CSNK1G3: variants seen among roughly 807,000 people sequenced by gnomAD.
CSNK1G3 encodes casein kinase 1 gamma 3.
Under a neutral mutation model 64.3 loss-of-function variants are expected in CSNK1G3, and 23 were observed. The ratio of observed to expected loss-of-function variants is 0.36; its 90% confidence interval spans 0.26 to 0.51. The LOEUF is 0.51. Ranked by LOEUF, CSNK1G3 falls within the 20% of genes least tolerant of loss-of-function variation. The probability of loss-of-function intolerance (pLI) is 0.96; values close to 1 mark genes in which losing one functional copy is unlikely to be tolerated. For missense variants in CSNK1G3, 357 were observed against 510.5 expected, an observed-to-expected ratio of 0.70 and a Z score of 2.90; for synonymous variants, 158 against 162.2, an observed-to-expected ratio of 0.97 and a Z score of 0.20.
At chr5:123,591,118 A>C (rs1476977264) in intron 9 of CSNK1G3, among the ~76,000 whole-genome samples, 1 of 152,086 alleles carries the variant, frequency 6.6e-6, no homozygotes, top group Non-Finnish European at 1.5e-5. Context: ...ATATTTTAAA[A>C]ACACTTTAAA....
At chr5:123,615,281 A>G (rs899763675) in exon 13 of CSNK1G3, 1 of 152,636 alleles carries the variant, frequency 6.6e-6, no homozygotes, top group African/African-American at 2.4e-5. Flanking sequence ...GTTGCAGTGT[A>G]TAAGGTGGAA....
chr5:123,603,279 T>C (rs528449318), intron 10 of CSNK1G3, among the ~76,000 whole-genome samples: 36 of 152,146 alleles, frequency 2.4e-4, no homozygotes, highest in African/African-American at 4.1e-4. Flanking sequence ...ATTTTTTTTT[T>C]CCAAAAAGTT....
intron 11 of CSNK1G3, 123 bp from the exon 13 acceptor site, chr5:123,605,216 A>C: frequency 2.5e-6 from 2 of 812,274 alleles, no homozygotes; most frequent in South Asian, 3.9e-5. Context: ...AACATAAATT[A>C]TAACAACATT....
At chr5:123,536,438 T>TC (rs1561474168) in intron 1 of CSNK1G3, among the ~76,000 whole-genome samples, 1 of 148,442 alleles carries the variant, frequency 6.7e-6, no homozygotes. Context: ...TTTTTTTTTT[T>TC]TTAAAAAAAA....
At chr5:123,557,533 A>G (rs1263068561) in exon 4 of CSNK1G3, 5 of 1,607,294 alleles carry the variant, frequency 3.1e-6, no homozygotes, top group Non-Finnish European at 3.4e-6. Context: ...TACATTTGGA[A>G]TACAGATTCT....
intron 1 of CSNK1G3, among the ~76,000 whole-genome samples, chr5:123,542,849 AGTGTGTGT>A (rs66645709): frequency 2.3e-4 from 31 of 134,904 alleles, no homozygotes; most frequent in Middle Eastern, 3.7e-3. Context: ...GCCTAGATTT[AGTGTGTGT>A]GTGTGTGTGT....
chr5:123,560,642 G>A (rs1044493444), intron 4 of CSNK1G3, among the ~76,000 whole-genome samples: 6 of 152,176 alleles, frequency 3.9e-5, no homozygotes, highest in Admixed American at 3.9e-4. Context: ...GAGCCCAGGA[G>A]GTCAAGGCTG....
At chr5:123,560,006 A>G (rs1164048824) in intron 4 of CSNK1G3, among the ~76,000 whole-genome samples, 9 of 152,280 alleles carry the variant, frequency 5.9e-5, no homozygotes, top group Admixed American at 2.6e-4. Context: ...CAGCATATAT[A>G]AAGAACTTCT....
At chr5:123,553,349 TTGTC>T (rs1307845278) in intron 3 of CSNK1G3, among the ~76,000 whole-genome samples, 2 of 152,218 alleles carry the variant, frequency 1.3e-5, no homozygotes, top group East Asian at 1.9e-4. Flanking sequence ...ACATTCATGT[TTGTC>T]TGTGCCACAA....
chr5:123,583,610 C>T (rs941844572), intron 6 of CSNK1G3, among the ~76,000 whole-genome samples: 14 of 146,518 alleles, frequency 9.6e-5, no homozygotes, highest in African/African-American at 2.5e-4. Context: ...GTGATCAGCC[C>T]GCCTCAGCCT....
At chr5:123,610,552 A>G (rs2151235593) in intron 12 of CSNK1G3, among the ~76,000 whole-genome samples, 1 of 152,262 alleles carries the variant, frequency 6.6e-6, no homozygotes, top group Admixed American at 6.5e-5. Flanking sequence ...ACAAAGGAGA[A>G]ATGGTGGTGC....
intron 10 of CSNK1G3, among the ~76,000 whole-genome samples, chr5:123,599,318 ACT>A (rs1794019964): frequency 6.6e-6 from 1 of 152,160 alleles, no homozygotes; most frequent in African/African-American, 2.4e-5. Flanking sequence ...GAATAATGTG[ACT>A]CTGAGCACTT....
chr5:123,602,040 CAGAG>C lies in CSNK1G3; in HGVS notation c.1087-2672_1087-2669del, dbSNP rs369230523. On this transcript the variant is annotated intron_variant, in intron 10 of 12. Transcript: ENST00000345990. ...AAAAATAATTATTTTTAAATGTTTT[CAGAG>C]AGAGAGAGAGAAAAATAAAGAGAAA... is the stretch of plus-strand genomic sequence containing the variant. 2.8e-3 allele frequency among the ~76,000 whole-genome samples: 428 copies of C among 151,228 alleles called. 5 individuals are homozygous for C. Among genetic ancestry groups the C allele is most frequent in the African/African-American group, 9.9e-3 (409 of 41,208 alleles).
exon 2 of CSNK1G3, chr5:123,545,598 A>G: frequency 7.3e-7 from 1 of 1,368,674 alleles, no homozygotes; most frequent in Non-Finnish European, 1.0e-6. Context: ...ACCTATTTTC[A>G]CAATACCCTG....
chr5:123,513,068 G>T (rs1219366105), intron 1 of CSNK1G3, among the ~76,000 whole-genome samples: 1 of 152,220 alleles, frequency 6.6e-6, no homozygotes, highest in Admixed American at 6.5e-5. Context: ...TCAGCTCAGG[G>T]ATAAACTTCC....
chr5:123,599,340 A>G (rs1280909467), intron 10 of CSNK1G3, among the ~76,000 whole-genome samples: 2 of 152,192 alleles, frequency 1.3e-5, no homozygotes, highest in African/African-American at 4.8e-5. Context: ...TGGGAGAAAA[A>G]GGGGCAGAAT....
chr5:123,550,425 C>T (rs964080929), intron 2 of CSNK1G3, among the ~76,000 whole-genome samples: 4 of 152,176 alleles, frequency 2.6e-5, no homozygotes, highest in Non-Finnish European at 4.4e-5. Context: ...ACATTCAGAA[C>T]TTAAGTCACA....
chr5:123,565,254 G>GA (rs1460991449), intron 4 of CSNK1G3, among the ~76,000 whole-genome samples: 2 of 152,028 alleles, frequency 1.3e-5, no homozygotes, highest in South Asian at 4.1e-4. Flanking sequence ...GAATGAGAGT[G>GA]AAAAAAACAT....
At chr5:123,576,457 C>T (rs1789184379) in intron 6 of CSNK1G3, among the ~76,000 whole-genome samples, 1 of 152,096 alleles carries the variant, frequency 6.6e-6, no homozygotes, top group African/African-American at 2.4e-5. Flanking sequence ...CAAGTTTAAC[C>T]TTTTTAAGGG....
Sources: allele counts gnomAD v4.1 joint callset (sites outside exome capture counted in the v4.1 genomes callset), GRCh38; gene constraint gnomAD v4.1.1; transcripts MANE v1.5; gene names NCBI Gene and HGNC (gene_info 2026-07-23, HGNC 2026-07-21).